GPHN: variants seen among roughly 807,000 people sequenced by gnomAD.
GPHN encodes the protein gephyrin.
GPHN carries 17 observed loss-of-function variants against 95.5 expected under a neutral mutation model. The ratio of observed to expected loss-of-function variants is 0.18; its 90% CI spans 0.12 to 0.27. GPHN has a LOEUF of 0.27. Among genes scored for constraint, GPHN ranks in the 10% least tolerant of loss-of-function variants. The pLI is 1.00. For synonymous variants in GPHN, 320 were observed against 322.5 expected, an observed-to-expected ratio of 0.99 and a Z score of 0.08; for missense variants, 660 against 978.1, an observed-to-expected ratio of 0.67 and a Z score of 4.34.
intron 9 of GPHN, chr14:66,985,552 T>C (rs1441576676): frequency 1.2e-5 from 7 of 604,870 alleles, no homozygotes; most frequent in African/African-American, 9.4e-5. Flanking sequence ...AGTTAACTCC[T>C]TGGCCTCCTA....
chr14:66,719,921 C>A (rs1344428975), intron 2 of GPHN, among the ~76,000 whole-genome samples: 2 of 152,206 alleles, frequency 1.3e-5, no homozygotes, highest in Non-Finnish European at 2.9e-5. Flanking sequence ...ACTTTGGAAA[C>A]AAATTTGCCA....
rs41301475 is a variant in GPHN at position 67,112,010 on chromosome 14, A to G, written c.1472+91A>G. On this transcript the variant is annotated intron_variant, in intron 15 of 22. Transcript: ENST00000478722. ...CCCTGGCTACTATAAATCTGCAGCCATGTCAGTTAGCCATTAATTTTCAGG... is the reference window on the plus strand; with the variant it reads ...CCCTGGCTACTATAAATCTGCAGCCGTGTCAGTTAGCCATTAATTTTCAGG... 83,968 of 967,724 alleles carry G rather than the reference A, an allele frequency of 0.087. 4,778 individuals are homozygous for G. The highest frequency in any genetic ancestry group is 0.11 in the Non-Finnish European group (68,420 of 598,082). 59.9% of individuals were successfully genotyped at this position (967,724 alleles called of 1,614,324 possible).
the GPHN span, among the ~76,000 whole-genome samples, chr14:67,526,696 A>T: frequency 6.6e-6 from 1 of 152,178 alleles, no homozygotes; most frequent in Non-Finnish European, 1.5e-5. Flanking sequence ...ATCTGGCCCT[A>T]CACCTGACTG....
intron 8 of GPHN, among the ~76,000 whole-genome samples, chr14:66,948,816 G>A (rs1200039430): frequency 6.6e-6 from 1 of 152,160 alleles, no homozygotes; most frequent in Non-Finnish European, 1.5e-5. Context: ...GAGGTTGTTT[G>A]TTTGTTTAGA....
chr14:67,190,865 G>T, the GPHN span, among the ~76,000 whole-genome samples: 35 of 152,298 alleles, frequency 2.3e-4, 1 homozygote, highest in South Asian at 6.8e-3. Flanking sequence ...CAAAGTGCTG[G>T]GAATAATTAA....
At chr14:67,385,077 C>CT in the GPHN span, 1 of 152,152 alleles carries the variant, frequency 6.6e-6, no homozygotes, top group Non-Finnish European at 1.5e-5. Flanking sequence ...CCACGTGGGC[C>CT]TTTTGCTCAG....
At chr14:66,588,379 T>TTCC (rs1262354695) in intron 1 of GPHN, among the ~76,000 whole-genome samples, 1 of 151,972 alleles carries the variant, frequency 6.6e-6, no homozygotes, top group East Asian at 1.9e-4. Context: ...AAAACTGGAA[T>TTCC]GAGAATTAGT....
chr14:67,190,532 A>T, the GPHN span, among the ~76,000 whole-genome samples: 1 of 152,196 alleles, frequency 6.6e-6, no homozygotes, highest in Non-Finnish European at 1.5e-5. Context: ...CTGTTTTGAA[A>T]TTTTGATTTT....
intron 1 of GPHN, among the ~76,000 whole-genome samples, chr14:66,585,453 C>G (rs2140517309): frequency 6.6e-6 from 1 of 152,246 alleles, no homozygotes; most frequent in South Asian, 2.1e-4. Flanking sequence ...TTTGCTCTTG[C>G]TTCTCTAGGT....
At chr14:67,724,387 A>T in the GPHN span, 16 of 893,110 alleles carry the variant, frequency 1.8e-5, no homozygotes, top group Admixed American at 2.0e-4. Context: ...TTGAGGCTGG[A>T]TAGAGTTTTT....
rs549438911 is a variant in GPHN, at chr14:66,717,807, G to A, written c.143+36622G>A. Among the ~76,000 whole-genome samples the A allele has an allele frequency of 3.9e-5, 6 of 152,298 alleles. No individual in the cohort carries two copies. The South Asian group carries it at 8.3e-4, about 21-fold the overall frequency. The stretch of plus-strand genomic sequence containing the variant: ...GTCTAGCCATCTACCGCGCCTACCC[G>A]GCTCCAGGCTTGTACTAGGGGTTGT... On this transcript the variant is annotated intron_variant, in intron 2 of 22. Coordinates refer to ENST00000478722, the MANE Select transcript of GPHN (RefSeq NM_020806.5).
chr14:66,797,507 G>A (rs534448638), intron 3 of GPHN, among the ~76,000 whole-genome samples: 2 of 151,774 alleles, frequency 1.3e-5, no homozygotes, highest in East Asian at 3.9e-4. Context: ...TTTTATTAGT[G>A]TATCATAGTT....
chr14:66,947,746 C>G lies in GPHN; in HGVS notation c.829-17445C>G, dbSNP rs376901803. Among the ~76,000 whole-genome samples the G allele has an allele frequency of 3.6e-4, 55 of 152,238 alleles. No individual in the cohort carries two copies. The East Asian group carries it at 6.6e-3, about 18-fold the overall frequency. On this transcript the variant is annotated intron_variant, in intron 8 of 22. Coordinates refer to ENST00000478722, the MANE Select transcript of GPHN (RefSeq NM_020806.5). Reference sequence around the variant, plus strand: ...GCTGAGGTGGAGGGATTGCTTGAGGCCAAGAGTTCAAGACCAGCCTGGGCA... The same window carrying G: ...GCTGAGGTGGAGGGATTGCTTGAGGGCAAGAGTTCAAGACCAGCCTGGGCA...
At chr14:66,972,505 A>C (rs1813432350) in intron 9 of GPHN, among the ~76,000 whole-genome samples, 1 of 151,934 alleles carries the variant, frequency 6.6e-6, no homozygotes, top group Admixed American at 6.6e-5. Flanking sequence ...AATTGCATAA[A>C]TAAGTGATTT....
intron 17 of GPHN, among the ~76,000 whole-genome samples, chr14:67,123,170 G>A (rs551683019): frequency 1.3e-5 from 2 of 152,286 alleles, no homozygotes; most frequent in East Asian, 1.9e-4. Context: ...TACTCATGAT[G>A]TATCTATCAC....
the GPHN span, among the ~76,000 whole-genome samples, chr14:67,365,556 C>G: frequency 6.6e-6 from 1 of 152,160 alleles, no homozygotes; most frequent in African/African-American, 2.4e-5. Flanking sequence ...ATCTTTCAGA[C>G]AGTTTTGGAT....
At chr14:67,151,577 T>G (rs1595395404) in intron 18 of GPHN, among the ~76,000 whole-genome samples, 1 of 152,152 alleles carries the variant, frequency 6.6e-6, no homozygotes, top group South Asian at 2.1e-4. Context: ...TTACCAAAGT[T>G]ACAGTTTTAT....
chr14:66,665,632 A>G (rs2065907209), intron 1 of GPHN, among the ~76,000 whole-genome samples: 1 of 152,210 alleles, frequency 6.6e-6, no homozygotes, highest in Admixed American at 6.5e-5. Flanking sequence ...AGAAATAGGA[A>G]CACTTTTACA....
chr14:67,645,714 A>C, the GPHN span: 1 of 1,614,040 alleles, frequency 6.2e-7, no homozygotes, highest in Non-Finnish European at 8.5e-7. Flanking sequence ...GTTGATGCCC[A>C]TGCTGACATC....
Sources: gnomAD v4.1 joint callset for allele counts (sites outside exome capture counted in the v4.1 genomes callset) on GRCh38, gnomAD v4.1.1 for gene constraint, MANE v1.5 for transcripts, NCBI Gene and HGNC (gene_info 2026-07-23, HGNC 2026-07-21) for gene names.